KLHL3: variants seen among roughly 807,000 people sequenced by gnomAD.
KLHL3 encodes the protein kelch-like protein 3.
Under a neutral mutation model 70.5 loss-of-function variants are expected in KLHL3, and 19 were observed. The ratio of observed to expected loss-of-function variants is 0.27; its 90% CI spans 0.19 to 0.40. The LOEUF (loss-of-function observed/expected upper bound fraction) is 0.40. Ranked by LOEUF, KLHL3 falls within the 10% of genes least tolerant of loss-of-function variation. KLHL3 has a pLI of 1.00. For missense variants in KLHL3, 512 were observed against 771.1 expected (o/e 0.66, Z 3.98); for synonymous variants, 258 against 290.3 (o/e 0.89, Z 1.13).
At chr5:137,708,636 A>C (rs1035359537) in intron 3 of KLHL3, among the ~76,000 whole-genome samples, 4 of 152,326 alleles carry the variant, frequency 2.6e-5, no homozygotes, top group African/African-American at 7.2e-5. Flanking sequence ...GAGGAGAGAC[A>C]GGTAAAAAAC....
At chr5:137,718,935 A>G (rs978039344) in intron 2 of KLHL3, among the ~76,000 whole-genome samples, 13 of 152,376 alleles carry the variant, frequency 8.5e-5, no homozygotes, top group African/African-American at 1.4e-4. Flanking sequence ...GAAAACAAAC[A>G]TAGAATCAGG....
Position 137,642,867 on chromosome 5 carries a change from TA to T in KLHL3, c.904-2891del, listed in dbSNP as rs752445553. Among the ~76,000 whole-genome samples the T allele has an allele frequency of 7.1e-3, 990 of 138,870 alleles. 3 individuals are homozygous for T. The highest frequency in any genetic ancestry group is 9.0e-3 in the Non-Finnish European group (572 of 63,632). 91.1% of individuals were successfully genotyped at this position (138,870 alleles called of 152,430 possible). A position where few individuals can be genotyped will look rare whatever the true frequency, so the allele number is the denominator to read the frequency against. ...AAGCTATCCAGCTTCTTTTGTAAATTAAAAAAAAAAAAAGGCAAAGTTTTCA... is the reference window on the plus strand; with the variant it reads ...AAGCTATCCAGCTTCTTTTGTAAATTAAAAAAAAAAAAGGCAAAGTTTTCA... On this transcript the variant is annotated intron_variant, in intron 8 of 14. Coordinates refer to ENST00000309755, the MANE Select transcript of KLHL3 (RefSeq NM_017415.3).
In KLHL3 at chr5:137,658,359, T is replaced by C. The variant is rs1379929242; in HGVS notation, c.754-79A>G. 5.3e-6 allele frequency: 7 copies of C among 1,310,220 alleles called. No homozygotes were observed. The Admixed American group carries it at 1.2e-4, about 23-fold the overall frequency. 81.2% of individuals were successfully genotyped at this position (1,310,220 alleles called of 1,614,324 possible). ...AAGCTTTCACCCTGGGCTCAGTCAT[T>C]CCTGCACTCCCACACTCATTCATTC... On this transcript the variant is annotated intron_variant, in intron 7 of 14. Transcript: ENST00000309755.
At chr5:137,694,236 G>A (rs1009628544) in intron 4 of KLHL3, among the ~76,000 whole-genome samples, 22 of 152,196 alleles carry the variant, frequency 1.4e-4, no homozygotes, top group African/African-American at 4.6e-4. Flanking sequence ...TCTAGAAAAC[G>A]TGCTCCTTTT....
intron 3 of KLHL3, among the ~76,000 whole-genome samples, chr5:137,701,000 T>C (rs1176178864): frequency 6.6e-6 from 1 of 152,086 alleles, no homozygotes; most frequent in Non-Finnish European, 1.5e-5. Context: ...AGGTAGACAG[T>C]ATTATTTCCA....
intron 5 of KLHL3, 35 bp downstream of exon 5, chr5:137,692,250 C>T (rs1286637338): frequency 1.3e-6 from 2 of 1,590,844 alleles, no homozygotes; most frequent in Admixed American, 1.7e-5. Flanking sequence ...GATCCACAAA[C>T]TCGGAGGAGG....
At chr5:137,659,698 A>G (rs1402200436) in intron 7 of KLHL3, among the ~76,000 whole-genome samples, 1 of 152,224 alleles carries the variant, frequency 6.6e-6, no homozygotes, top group Non-Finnish European at 1.5e-5. Context: ...CTGGAAAGTT[A>G]GTGCTTCATG....
At chr5:137,659,557 C>G (rs934648746) in intron 7 of KLHL3, among the ~76,000 whole-genome samples, 8 of 152,100 alleles carry the variant, frequency 5.3e-5, no homozygotes, top group Non-Finnish European at 1.2e-4. Context: ...TGAGACAAAT[C>G]ATAAACTTCT....
rs1752195122 is a variant in KLHL3, at chr5:137,687,081, G to GC, written c.526+5203dup. Among the ~76,000 whole-genome samples, 5 of 66,024 alleles carry GC rather than the reference G, an allele frequency of 7.6e-5. 1 individual carries two copies. The highest frequency in any genetic ancestry group is 5.0e-4 in the Admixed American group (3 of 6,034). The allele number at this position is 66,024 out of a possible 152,430, so 43.3% of individuals were successfully genotyped here. A position where few individuals can be genotyped will look rare whatever the true frequency, so the allele number is the denominator to read the frequency against. On this transcript the variant is annotated intron_variant, in intron 5 of 14. Transcript: ENST00000309755. ...TCCGGGAGGGAGGTGGGGGGGGTCA[G>GC]CCCCCCGCCCGGCCAGCCGCCCCGT...
chr5:137,638,247 T>G (rs779542714), intron 10 of KLHL3, among the ~76,000 whole-genome samples: 1 of 152,156 alleles, frequency 6.6e-6, no homozygotes, highest in Admixed American at 6.5e-5. Flanking sequence ...AAGAGAAGGC[T>G]GAGAAAGGTC....
At chr5:137,705,761 T>C (rs992021309) in intron 3 of KLHL3, among the ~76,000 whole-genome samples, 2 of 152,150 alleles carry the variant, frequency 1.3e-5, no homozygotes, top group African/African-American at 4.8e-5. Context: ...GGAGTACAAA[T>C]ACTACAGTAT....
chr5:137,708,205 C>T lies in KLHL3; in HGVS notation c.241+1545G>A, dbSNP rs140967661. Among the ~76,000 whole-genome samples the T allele has an allele frequency of 9.2e-3, 1,400 of 152,274 alleles. 24 individuals carry two copies. Among genetic ancestry groups the T allele is most frequent in the African/African-American group, 0.032 (1,317 of 41,532 alleles). ...AGTAGCCTGGTCCACTTAGCAGAGG[C>T]ACCACTCCAAGTTGAGACCAGTTCC... On this transcript the variant is annotated intron_variant, in intron 3 of 14. Transcript: ENST00000309755.
At chr5:137,627,589 C>T (rs1467419114) in intron 13 of KLHL3, among the ~76,000 whole-genome samples, 1 of 151,424 alleles carries the variant, frequency 6.6e-6, no homozygotes, top group Non-Finnish European at 1.5e-5. Flanking sequence ...GTCCTTCCAG[C>T]CTGGGAAGTT....
At chr5:137,668,160 T>C (rs1293267522) in intron 6 of KLHL3, among the ~76,000 whole-genome samples, 1 of 152,092 alleles carries the variant, frequency 6.6e-6, no homozygotes, top group Non-Finnish European at 1.5e-5. Context: ...CCCAGTACTG[T>C]GGGAGGCCGA....
chr5:137,704,886 A>T (rs1415336534), intron 3 of KLHL3, among the ~76,000 whole-genome samples: 1 of 152,226 alleles, frequency 6.6e-6, no homozygotes, highest in Non-Finnish European at 1.5e-5. Context: ...TATGATAGGG[A>T]CAGGAAGAAG....
intron 8 of KLHL3, among the ~76,000 whole-genome samples, chr5:137,644,780 A>G (rs1170254987): frequency 1.3e-5 from 2 of 152,364 alleles, no homozygotes; most frequent in East Asian, 3.9e-4. Flanking sequence ...ATTCTAAAAT[A>G]TTGAAAGGGA....
intron 3 of KLHL3, chr5:137,705,984 C>G (rs1752677394): frequency 5.1e-6 from 5 of 984,798 alleles, no homozygotes; most frequent in Non-Finnish European, 4.8e-6. Context: ...AATAGGTTGA[C>G]TGCTCACCCC....
chr5:137,707,672 A>C (rs928435296), intron 3 of KLHL3: 56 of 154,330 alleles, frequency 3.6e-4, no homozygotes, highest in African/African-American at 1.4e-3. Context: ...GGAAGGATGG[A>C]TGGTAACCAG....
rs924156874 is a variant in KLHL3, at chr5:137,677,009, T to C, written c.636+536A>G. ...TGGCAAACTGTAAGTGTTCAGTAAATAGTGGCAGCTTTGTCATCATGATCA... is the reference window on the plus strand; with the variant it reads ...TGGCAAACTGTAAGTGTTCAGTAAACAGTGGCAGCTTTGTCATCATGATCA... On this transcript the variant is annotated intron_variant, in intron 6 of 14. Coordinates refer to ENST00000309755, the MANE Select transcript of KLHL3 (RefSeq NM_017415.3). Among the ~76,000 whole-genome samples the C allele has an allele frequency of 3.2e-4, 48 of 152,114 alleles. 1 individual carries two copies. The highest frequency in any genetic ancestry group is 3.1e-3 in the Admixed American group (48 of 15,278).
Sources: allele counts gnomAD v4.1 joint callset (sites outside exome capture counted in the v4.1 genomes callset), GRCh38; gene constraint gnomAD v4.1.1; transcripts MANE v1.5; gene names NCBI Gene and HGNC (gene_info 2026-07-23, HGNC 2026-07-21).